Variants in PCDHGA8 observed in about 807,000 individuals in gnomAD.
The protein encoded by PCDHGA8 is protocadherin gamma-A8.
A neutral mutation model predicts 59.2 loss-of-function variants in PCDHGA8; 45 were observed. The ratio of observed to expected loss-of-function variants is 0.76; its 90% CI spans 0.60 to 0.98. The LOEUF is 0.98. Ranked by LOEUF, PCDHGA8 falls within the 50% of genes least tolerant of loss-of-function variation. PCDHGA8 has a pLI of 0.00. For missense variants in PCDHGA8, 1,257 were observed against 1,196.2 expected, an observed-to-expected ratio of 1.05 and a Z score of -0.75; for synonymous variants, 531 against 519.0, an observed-to-expected ratio of 1.02 and a Z score of -0.32.
chr5:141,430,337 C>G (rs531455580), intron 1 of PCDHGA8, among the ~76,000 whole-genome samples: 1 of 150,908 alleles, frequency 6.6e-6, no homozygotes, highest in East Asian at 2.0e-4. Context: ...TTTATAGAAA[C>G]TTCCAATTCA....
At position 141,511,219 on chromosome 5, in the gene PCDHGA8, G is replaced by A. The variant is rs1467284181; in HGVS notation, c.*46G>A. On this transcript the variant is annotated 3_prime_UTR_variant, in exon 4 of 4. Coordinates refer to ENST00000398604, the MANE Select transcript of PCDHGA8 (RefSeq NM_032088.2). ...CCACAGGGCGGCCTCTCCCCAACCA[G>A]CCCAGCTTCTCCTTACCTGCACCCA... 5 of 1,606,366 alleles carry A rather than the reference G, an allele frequency of 3.1e-6. No individual in the cohort carries two copies. The highest frequency in any genetic ancestry group is 2.7e-5 in the African/African-American group (2 of 74,686).
In PCDHGA8 at chr5:141,490,347, G is replaced by T; in HGVS notation, c.2425-4460G>T. On this transcript the variant is annotated intron_variant, in intron 1 of 3. Coordinates refer to ENST00000398604, the MANE Select transcript of PCDHGA8 (RefSeq NM_032088.2). This position sits in a 1 kb window ranked among gnomAD's most constrained non-coding sequence, Gnocchi z 5.4. ...AGAGCACACCAGTGGGCACAGTAGT[G>T]GGGTTGTTTAATGTGCGAGACCGGG... 1 of 1,614,180 alleles carries T rather than the reference G, an allele frequency of 6.2e-7. No homozygotes were observed.
chr5:141,503,825 CA>C (rs2154593417), intron 2 of PCDHGA8, among the ~76,000 whole-genome samples: 1 of 152,186 alleles, frequency 6.6e-6, no homozygotes, highest in Non-Finnish European at 1.5e-5. Flanking sequence ...TGGGCAAAAC[CA>C]AAAGCAGGGA....
intron 1 of PCDHGA8, chr5:141,402,801 G>T (rs1218765657): frequency 1.2e-5 from 13 of 1,078,506 alleles, no homozygotes; most frequent in Non-Finnish European, 1.7e-5. Context: ...CACAAAACCC[G>T]GCAGATACCA....
At position 141,413,851 on chromosome 5, in the gene PCDHGA8, C is replaced by T. The variant is rs766108205; in HGVS notation, c.2424+18614C>T. The T allele has an allele frequency of 1.5e-5, 25 of 1,613,340 alleles. No homozygotes were observed. In the East Asian group the frequency reaches 2.7e-4, roughly 17 times the overall value. ...CGCCTCCGACGGGGGTGACCCTCTC[C>T]GATCTGGCACTGTCCTTGTCAGTGT... On this transcript the variant is annotated intron_variant, in intron 1 of 3. Coordinates refer to ENST00000398604, the MANE Select transcript of PCDHGA8 (RefSeq NM_032088.2).
chr5:141,470,915 C>A (rs2099244061), intron 1 of PCDHGA8, among the ~76,000 whole-genome samples: 1 of 152,010 alleles, frequency 6.6e-6, no homozygotes, highest in Non-Finnish European at 1.5e-5. Flanking sequence ...GGGACTGTCC[C>A]TATGTTGCTC....
intron 1 of PCDHGA8, chr5:141,413,290 A>T: frequency 6.2e-7 from 1 of 1,613,924 alleles, no homozygotes; most frequent in Non-Finnish European, 8.5e-7. Context: ...CTCCTACTCA[A>T]TTCCTGAGGA....
intron 1 of PCDHGA8, among the ~76,000 whole-genome samples, chr5:141,483,658 G>C (rs906346163): frequency 1.4e-4 from 22 of 152,028 alleles, no homozygotes; most frequent in Non-Finnish European, 2.4e-4. Context: ...TTGTGTGTGT[G>C]TGTGTGTGTG....
chr5:141,413,652 G>T, intron 1 of PCDHGA8: 4 of 1,613,780 alleles, frequency 2.5e-6, no homozygotes, highest in Non-Finnish European at 3.4e-6. Context: ...TTCCTCTCCC[G>T]GAAGCTATTG....
chr5:141,422,800 C>T, intron 1 of PCDHGA8: 1 of 1,614,214 alleles, frequency 6.2e-7, no homozygotes, highest in Non-Finnish European at 8.5e-7. Context: ...CGACTATGAG[C>T]AGTTTCGAGA....
rs2099391747 is a variant in PCDHGA8 at position 141,476,440 on chromosome 5, G to A, written c.2425-18367G>A. Reference sequence around the variant, plus strand: ...CACTGCCCTCTTGCACTGTAACTCTGGAGTTGGTAGTGGAGAACCCGCTGG... The same window carrying A: ...CACTGCCCTCTTGCACTGTAACTCTAGAGTTGGTAGTGGAGAACCCGCTGG... On this transcript the variant is annotated intron_variant, in intron 1 of 3. Transcript: ENST00000398604. The surrounding 1 kb of genome is among the most constrained non-coding windows in gnomAD (Gnocchi z 7.6). 1.2e-6 allele frequency: 2 copies of A among 1,613,998 alleles called. No individual in the cohort carries two copies. Among genetic ancestry groups the A allele is most frequent in the African/African-American group, 2.7e-5 (2 of 74,902 alleles).
chr5:141,420,422 A>C, intron 1 of PCDHGA8: 1 of 1,196,438 alleles, frequency 8.4e-7, no homozygotes, highest in Non-Finnish European at 1.1e-6. Context: ...TATTAAAACA[A>C]AAGTTTAAAT....
At position 141,487,769 on chromosome 5, in the gene PCDHGA8, T is replaced by C. The variant is rs775270506; in HGVS notation, c.2425-7038T>C. Reference sequence around the variant, plus strand: ...TAACTATGTGGTAGACGCTGTGCTTTGTAACTGTTTCGTGAATTAACCAGA... The same window carrying C: ...TAACTATGTGGTAGACGCTGTGCTTCGTAACTGTTTCGTGAATTAACCAGA... On this transcript the variant is annotated intron_variant, in intron 1 of 3. Transcript: ENST00000398604. The surrounding 1 kb of genome is among the most constrained non-coding windows in gnomAD (Gnocchi z 5.0). 8 of 1,538,288 alleles carry C rather than the reference T, an allele frequency of 5.2e-6. No homozygotes were observed. The highest frequency in any genetic ancestry group is 1.2e-5 in the South Asian group (1 of 82,608).
chr5:141,415,465 A>G (rs751798354), intron 1 of PCDHGA8: 19 of 1,613,976 alleles, frequency 1.2e-5, no homozygotes, highest in Non-Finnish European at 1.5e-5. Context: ...GGTCTCTCTC[A>G]CCGCGGACTC....
chr5:141,412,559 GTTTA>G (rs2095563108), intron 1 of PCDHGA8: 1 of 152,224 alleles, frequency 6.6e-6, no homozygotes, highest in Admixed American at 6.5e-5. Flanking sequence ...TATCTCATGA[GTTTA>G]TTTAATATAA....
Position 141,431,954 on chromosome 5 carries a change from G to T in PCDHGA8, c.2424+36717G>T. On this transcript the variant is annotated intron_variant, in intron 1 of 3. Coordinates refer to ENST00000398604, the MANE Select transcript of PCDHGA8 (RefSeq NM_032088.2). The surrounding 1 kb of genome is among the most constrained non-coding windows in gnomAD (Gnocchi z 4.8). Reference sequence around the variant, plus strand: ...GCCCTTTAAATTAGAAAAATCTTACGGAAATTACTATAGTTTAGTCACAGA... The same window carrying T: ...GCCCTTTAAATTAGAAAAATCTTACTGAAATTACTATAGTTTAGTCACAGA... The T allele has an allele frequency of 6.2e-7, 1 of 1,614,110 alleles. No homozygotes were observed. Among genetic ancestry groups the T allele is most frequent in the Non-Finnish European group, 8.5e-7 (1 of 1,180,010 alleles).
intron 1 of PCDHGA8, chr5:141,471,509 TA>T (rs1211467109): frequency 6.6e-6 from 1 of 152,008 alleles, no homozygotes; most frequent in Non-Finnish European, 1.5e-5. Context: ...AGAGAGGGAG[TA>T]AAAATAACAG....
In PCDHGA8 at chr5:141,491,762, C is replaced by T. The variant is rs1162878124; in HGVS notation, c.2425-3045C>T. The T allele has an allele frequency of 6.4e-7, 1 of 1,572,596 alleles. No homozygotes were observed. The highest frequency in any genetic ancestry group is 1.4e-5 in the African/African-American group (1 of 73,308). ...GGCGGCACTGGAGAAGCCGCCCGTC[C>T]TCATAAGGGATTGAACTTGCATCCA... On this transcript the variant is annotated intron_variant, in intron 1 of 3. Transcript: ENST00000398604. The surrounding 1 kb of genome is among the most constrained non-coding windows in gnomAD (Gnocchi z 6.9).
intron 1 of PCDHGA8, among the ~76,000 whole-genome samples, chr5:141,492,337 C>T (rs559700346): frequency 1.0e-3 from 158 of 152,324 alleles, no homozygotes; most frequent in African/African-American, 3.7e-3. Flanking sequence ...TACGCGAATA[C>T]CAGCTTTCAC....
Sources: gnomAD v4.1 joint callset for allele counts (sites outside exome capture counted in the v4.1 genomes callset) on GRCh38, gnomAD v4.1.1 for gene constraint, Gnocchi (gnomAD v3.1) non-coding constraint, MANE v1.5 for transcripts, NCBI Gene and HGNC (gene_info 2026-07-23, HGNC 2026-07-21) for gene names.